HERC2: variants seen among roughly 807,000 people sequenced by gnomAD.
HERC2 encodes E3 ubiquitin-protein ligase HERC2.
A neutral mutation model predicts 537.7 loss-of-function variants in HERC2; 102 were observed. The ratio of observed to expected loss-of-function variants is 0.19; its 90% CI spans 0.16 to 0.22. The LOEUF is 0.22. HERC2 is among the 10% of genes least tolerant of loss of function. The probability of loss-of-function intolerance (pLI) is 1.00; values close to 1 mark genes in which losing one functional copy is unlikely to be tolerated. For missense variants in HERC2, 4,236 were observed against 6,198.2 expected (o/e 0.68, Z 10.63); for synonymous variants, 2,224 against 2,466.2 (o/e 0.90, Z 2.91).
chr15:28,217,685 C>T (rs1396601974), intron 38 of HERC2, among the ~76,000 whole-genome samples: 4 of 152,104 alleles, frequency 2.6e-5, no homozygotes, highest in African/African-American at 9.7e-5. Flanking sequence ...TCTCTGTAGA[C>T]GTCATTAAGG....
rs1889038945 is a variant in HERC2 at position 28,122,562 on chromosome 15, T to C, written c.13189-1133A>G. Among the ~76,000 whole-genome samples the C allele has an allele frequency of 6.6e-6, 1 of 152,116 alleles. No individual in the cohort carries two copies. Among genetic ancestry groups the C allele is most frequent in the East Asian group, 1.9e-4 (1 of 5,178 alleles). The stretch of plus-strand genomic sequence containing the variant: ...AGACTCATCCTGCTCCCAGAGGCCC[T>C]GCCTGGACCTCAGGGCGGCTCCCCC... On this transcript the variant is annotated intron_variant, in intron 85 of 92. Coordinates refer to ENST00000261609, the MANE Select transcript of HERC2 (RefSeq NM_004667.6). This position sits in a 1 kb window ranked among gnomAD's most constrained non-coding sequence, Gnocchi z 4.1.
chr15:28,294,748 C>G (rs2076414663), intron 3 of HERC2, among the ~76,000 whole-genome samples: 1 of 151,968 alleles, frequency 6.6e-6, no homozygotes, highest in South Asian at 2.1e-4. Context: ...ACTCTGTTCC[C>G]AAGTGCAGCC....
At chr15:28,204,981 A>G (rs1166522032) in intron 45 of HERC2, among the ~76,000 whole-genome samples, 1 of 152,152 alleles carries the variant, frequency 6.6e-6, no homozygotes, top group Non-Finnish European at 1.5e-5. Context: ...AACAAAAATC[A>G]AGCCAAAGAT....
At chr15:28,163,007 T>C in intron 69 of HERC2, 87 bp downstream of exon 69, 2 of 1,119,740 alleles carry the variant, frequency 1.8e-6, no homozygotes, top group Non-Finnish European at 2.6e-6. Context: ...AGATCACCGG[T>C]GATCCATAGC....
At position 28,206,832 on chromosome 15, in the gene HERC2, C is replaced by CA. The variant is rs71132838; in HGVS notation, c.7070-451dup. On this transcript the variant is annotated intron_variant, in intron 44 of 92. Coordinates refer to ENST00000261609, the MANE Select transcript of HERC2 (RefSeq NM_004667.6). ...TGGGCGACAGACCAAGACTCGGTCT[C>CA]AAAAAAAAAAAAAAAAAAAAAAAAA... 8.9e-3 allele frequency among the ~76,000 whole-genome samples: 456 copies of CA among 51,412 alleles called. 21 individuals are homozygous for CA. The highest frequency in any genetic ancestry group is 0.025 in the African/African-American group (363 of 14,476). 33.7% of individuals were successfully genotyped at this position (51,412 alleles called of 152,430 possible).
intron 35 of HERC2, among the ~76,000 whole-genome samples, chr15:28,226,394 G>A (rs1318902427): frequency 6.6e-6 from 1 of 151,168 alleles, no homozygotes; most frequent in Non-Finnish European, 1.5e-5. Context: ...AAAACAGGGG[G>A]TACCTGCACA....
At chr15:28,115,262 ATTT>A (rs11375781) in intron 89 of HERC2, 164 bp downstream of exon 89, 2,326 of 378,950 alleles carry the variant, frequency 6.1e-3, no homozygotes, top group South Asian at 0.015. Flanking sequence ...TAGATGGTCT[ATTT>A]TTTTTTTTTT....
At chr15:28,261,563 A>G (rs113914919) in intron 15 of HERC2, among the ~76,000 whole-genome samples, 34 of 152,348 alleles carry the variant, frequency 2.2e-4, no homozygotes, top group African/African-American at 7.9e-4. Flanking sequence ...GGAACTTACC[A>G]TAAGTTAACA....
chr15:28,159,291 T>C (rs927294822), intron 69 of HERC2, among the ~76,000 whole-genome samples: 36 of 152,358 alleles, frequency 2.4e-4, no homozygotes, highest in Admixed American at 1.0e-3. Flanking sequence ...CCTGCCTTGC[T>C]AGATTGGGGA....
At chr15:28,140,611 T>C (rs1891122150) in intron 78 of HERC2, among the ~76,000 whole-genome samples, 1 of 151,160 alleles carries the variant, frequency 6.6e-6, no homozygotes, top group Non-Finnish European at 1.5e-5. Flanking sequence ...AACCTCCATC[T>C]CCCGGGTTCC....
chr15:28,211,421 G>A (rs1002830124), intron 43 of HERC2, among the ~76,000 whole-genome samples: 8 of 151,790 alleles, frequency 5.3e-5, no homozygotes, highest in African/African-American at 7.3e-5. Context: ...TTAGAACCAT[G>A]TTAGCTACTA....
chr15:28,249,739 C>G (rs1028422066), intron 20 of HERC2, among the ~76,000 whole-genome samples: 1 of 152,010 alleles, frequency 6.6e-6, no homozygotes, highest in East Asian at 1.9e-4. Flanking sequence ...CTCCGCCTCC[C>G]GGGTTAAAGC....
At position 28,235,902 on chromosome 15, in the gene HERC2, A is replaced by G. The variant is rs1272595434; in HGVS notation, c.4003+1061T>C. 5.3e-5 allele frequency among the ~76,000 whole-genome samples: 8 copies of G among 152,216 alleles called. No individual in the cohort carries two copies. In the East Asian group the frequency reaches 5.8e-4, roughly 11 times the overall value. On this transcript the variant is annotated intron_variant, in intron 26 of 92. Transcript: ENST00000261609. ...GATGGGAAATGCACAACTATATGAAAGAAAATGTAAACCCATCTTAGGAGA... is the reference window on the plus strand; with the variant it reads ...GATGGGAAATGCACAACTATATGAAGGAAAATGTAAACCCATCTTAGGAGA...
intron 4 of HERC2, among the ~76,000 whole-genome samples, chr15:28,284,048 C>T (rs770044291): frequency 6.6e-6 from 1 of 152,140 alleles, no homozygotes. Flanking sequence ...TAATTTTATA[C>T]AGCATGCTTA....
At chr15:28,200,358 G>A (rs1466222746) in intron 48 of HERC2, among the ~76,000 whole-genome samples, 1 of 152,074 alleles carries the variant, frequency 6.6e-6, no homozygotes, top group Admixed American at 6.5e-5. Context: ...TCACGCCACT[G>A]CACTCCAGCC....
intron 83 of HERC2, among the ~76,000 whole-genome samples, chr15:28,127,806 AAAAT>A (rs1232693048): frequency 1.3e-5 from 2 of 152,232 alleles, no homozygotes; most frequent in African/African-American, 4.8e-5. Context: ...CTAGAGCATC[AAAAT>A]AAATAGACTA....
At chr15:28,292,821 C>T (rs1430122745) in intron 4 of HERC2, 67 bp downstream of exon 4, 83 of 1,458,062 alleles carry the variant, frequency 5.7e-5, no homozygotes, top group Non-Finnish European at 7.3e-5. Flanking sequence ...ACTAAGAATC[C>T]ATCCAAGTTA....
intron 4 of HERC2, among the ~76,000 whole-genome samples, chr15:28,285,589 A>G (rs1283649728): frequency 6.6e-6 from 1 of 152,026 alleles, no homozygotes; most frequent in African/African-American, 2.4e-5. Flanking sequence ...GATATATTAG[A>G]AACTTGGAAA....
Position 28,241,735 on chromosome 15 carries a change from G to A in HERC2, c.3578-2963C>T, listed in dbSNP as rs559139329. On this transcript the variant is annotated intron_variant, in intron 23 of 92. Transcript: ENST00000261609. Reference sequence around the variant, plus strand: ...CTCAGGGGGCTGAGGCAGGGGAATTGCTTGAACCTGGGAGACAGAGGTTGC... The same window carrying A: ...CTCAGGGGGCTGAGGCAGGGGAATTACTTGAACCTGGGAGACAGAGGTTGC... Among the ~76,000 whole-genome samples, 76 of 152,230 alleles carry A rather than the reference G, an allele frequency of 5.0e-4. No homozygotes were observed. In the East Asian group the frequency reaches 0.01, roughly 21 times the overall value.
Sources: gnomAD v4.1 joint callset for allele counts (sites outside exome capture counted in the v4.1 genomes callset) on GRCh38, gnomAD v4.1.1 for gene constraint, Gnocchi (gnomAD v3.1) non-coding constraint, MANE v1.5 for transcripts, NCBI Gene and HGNC (gene_info 2026-07-23, HGNC 2026-07-21) for gene names.